Variants in TRAM2 observed in about 807,000 individuals in gnomAD.
TRAM2 encodes translocation associated membrane protein 2, also known as translocating chain-associated membrane protein 2.
TRAM2 carries 12 observed loss-of-function variants against 51.0 expected under a neutral mutation model. The observed-to-expected ratio is 0.24, with a 90% CI of 0.15 to 0.38. The LOEUF is 0.38. TRAM2 is among the 10% of genes least tolerant of loss of function. The pLI is 1.00. For synonymous variants in TRAM2, 175 were observed against 179.4 expected (o/e 0.98, Z 0.20); for missense variants, 361 against 462.0 (o/e 0.78, Z 2.00).
At chr6:52,558,216 G>T (rs1767442159) in intron 1 of TRAM2, among the ~76,000 whole-genome samples, 1 of 152,064 alleles carries the variant, frequency 6.6e-6, no homozygotes, top group Non-Finnish European at 1.5e-5. Flanking sequence ...GGATTGACAG[G>T]GTGAGAAACT....
chr6:52,521,181 A>G (rs1412853037), intron 2 of TRAM2, among the ~76,000 whole-genome samples: 5 of 149,518 alleles, frequency 3.3e-5, no homozygotes. Flanking sequence ...AAGTGCTGGG[A>G]TTACAGGTGT....
intron 1 of TRAM2, among the ~76,000 whole-genome samples, chr6:52,556,106 T>C (rs1767399921): frequency 1.3e-5 from 2 of 152,144 alleles, no homozygotes; most frequent in African/African-American, 4.8e-5. Context: ...GCTGAAGCCA[T>C]ATGATCTTTG....
intron 1 of TRAM2, among the ~76,000 whole-genome samples, chr6:52,552,499 G>C (rs1767326490): frequency 6.6e-6 from 1 of 152,222 alleles, no homozygotes; most frequent in Non-Finnish European, 1.5e-5. Context: ...TGACAGCTCA[G>C]CCACAAACCC....
At chr6:52,522,978 G>A (rs1766705138) in intron 2 of TRAM2, 2 of 697,058 alleles carry the variant, frequency 2.9e-6, no homozygotes, top group Non-Finnish European at 5.2e-6. Context: ...CACAACCTGA[G>A]CTGGTGTCCA....
At chr6:52,541,116 C>T (rs959916071) in intron 1 of TRAM2, among the ~76,000 whole-genome samples, 1 of 152,232 alleles carries the variant, frequency 6.6e-6, no homozygotes, top group Non-Finnish European at 1.5e-5. Flanking sequence ...GAAATAGCTG[C>T]TTCCAGCTAA....
chr6:52,570,525 T>A (rs994613134), intron 1 of TRAM2, among the ~76,000 whole-genome samples: 2 of 152,138 alleles, frequency 1.3e-5, no homozygotes, highest in Admixed American at 6.5e-5. Flanking sequence ...GACTCTAACT[T>A]GGAGTGGATG....
At position 52,498,559 on chromosome 6, in the gene TRAM2, G is replaced by A. The variant is rs1442829394; in HGVS notation, c.*4638C>T. The A allele has an allele frequency of 6.6e-6, 1 of 152,228 alleles. No individual in the cohort carries two copies. Among genetic ancestry groups the A allele is most frequent in the East Asian group, 1.9e-4 (1 of 5,206 alleles). The allele number at this position is 152,228 out of a possible 1,614,324, so 9.4% of individuals were successfully genotyped here. On this transcript the variant is annotated 3_prime_UTR_variant, in exon 11 of 11. Coordinates refer to ENST00000182527, the MANE Select transcript of TRAM2 (RefSeq NM_012288.4). ...GAGTTTGCTATGTGGGGCCAGAGGA[G>A]AGTTTTCGAAGTGGGGGCTGGAAGC...
chr6:52,548,872 C>A (rs1433951253), intron 1 of TRAM2, among the ~76,000 whole-genome samples: 1 of 152,214 alleles, frequency 6.6e-6, no homozygotes, highest in African/African-American at 2.4e-5. Context: ...TCTCCATACC[C>A]ACAGTGTTCT....
chr6:52,528,254 A>G (rs1033115404), intron 2 of TRAM2, among the ~76,000 whole-genome samples: 2 of 152,078 alleles, frequency 1.3e-5, no homozygotes, highest in African/African-American at 4.8e-5. Context: ...TGGCTATAAA[A>G]GGAGCAGGCC....
chr6:52,524,976 G>A (rs1191593361), intron 2 of TRAM2: 2 of 152,246 alleles, frequency 1.3e-5, no homozygotes, highest in Non-Finnish European at 2.9e-5. Flanking sequence ...GAAACAATCA[G>A]ACGCTAAAGG....
chr6:52,553,718 C>T (rs1767351515), intron 1 of TRAM2, among the ~76,000 whole-genome samples: 1 of 152,184 alleles, frequency 6.6e-6, no homozygotes, highest in Admixed American at 6.5e-5. Flanking sequence ...CAATTCTGCC[C>T]TCACTAACTC....
At chr6:52,516,978 C>G (rs1766563644) in intron 2 of TRAM2, 1 of 507,506 alleles carries the variant, frequency 2.0e-6, no homozygotes, top group Admixed American at 3.3e-5. Flanking sequence ...ATAACAGTAT[C>G]TCCTGAGTCT....
intron 2 of TRAM2, among the ~76,000 whole-genome samples, chr6:52,526,188 C>A (rs180952523): frequency 8.3e-6 from 1 of 120,758 alleles, no homozygotes; most frequent in Non-Finnish European, 1.8e-5. Context: ...CACACACACA[C>A]ACACACACAC....
chr6:52,520,971 C>G (rs1183217849), intron 2 of TRAM2, among the ~76,000 whole-genome samples: 1 of 152,150 alleles, frequency 6.6e-6, no homozygotes, highest in African/African-American at 2.4e-5. Flanking sequence ...TGTAATGGCG[C>G]AGTCTTGGCT....
intron 1 of TRAM2, among the ~76,000 whole-genome samples, chr6:52,555,706 G>C (rs1767393441): frequency 6.6e-6 from 1 of 152,126 alleles, no homozygotes; most frequent in South Asian, 2.1e-4. Context: ...CTTACTGGTA[G>C]GCATTTAGGA....
intron 4 of TRAM2, among the ~76,000 whole-genome samples, chr6:52,512,771 GA>G (rs1766473214): frequency 6.6e-6 from 1 of 152,192 alleles, no homozygotes; most frequent in African/African-American, 2.4e-5. Flanking sequence ...GCATAATTCA[GA>G]TATAGCACAG....
chr6:52,555,580 C>T (rs77045894), intron 1 of TRAM2, among the ~76,000 whole-genome samples: 3 of 152,082 alleles, frequency 2.0e-5, no homozygotes, highest in Admixed American at 1.3e-4. Flanking sequence ...AAGGCCCACA[C>T]CAATATGGTA....
In TRAM2 at chr6:52,506,033, G is replaced by A. The variant is rs763867785; in HGVS notation, c.730C>T (p.Leu244=). 2 of 1,614,142 alleles carry A rather than the reference G, an allele frequency of 1.2e-6. No individual in the cohort carries two copies. The highest frequency in any genetic ancestry group is 1.7e-6 in the Non-Finnish European group (2 of 1,180,014). ...CCAGCCTGCAGCAGACCCACTTACAGTTTCTCGTTGTTTTCATCTGCAAAG... is the reference window on the plus strand; with the variant it reads ...CCAGCCTGCAGCAGACCCACTTACAATTTCTCGTTGTTTTCATCTGCAAAG... ...FYFADENNEK[L]FSAWAAVFGV... is the part of the protein sequence containing the mutation. The change falls in exon 8 of 11, where the codon CTG becomes TTG. Residue 244 remains leucine (L), a splice_region_variant and synonymous_variant. Coordinates refer to ENST00000182527, the MANE Select transcript of TRAM2 (RefSeq NM_012288.4).
chr6:52,562,396 G>A lies in TRAM2; in HGVS notation c.120+14400C>T, dbSNP rs371740665. 2.2e-4 allele frequency among the ~76,000 whole-genome samples: 34 copies of A among 152,258 alleles called. 1 individual carries two copies. In the East Asian group the frequency reaches 4.1e-3, roughly 18 times the overall value. ...CAAGTGAAAATAGGAAGCATGTCCC[G>A]AGTAACTTGTATGAGGTGCCAGAGG... On this transcript the variant is annotated intron_variant, in intron 1 of 10. Transcript: ENST00000182527.
Sources: gnomAD v4.1 joint callset for allele counts (sites outside exome capture counted in the v4.1 genomes callset) on GRCh38, gnomAD v4.1.1 for gene constraint, MANE v1.5 for transcripts, NCBI Gene and HGNC (gene_info 2026-07-23, HGNC 2026-07-21) for gene names.